The following MYLK4 variants were observed in gnomAD, a reference collection of about 807,000 sequenced individuals.
The protein encoded by MYLK4 is caMLCK like.
Under a neutral mutation model 48.1 loss-of-function variants are expected in MYLK4, and 46 were observed. The ratio of observed to expected loss-of-function variants is 0.96; its 90% CI spans 0.75 to 1.22. The LOEUF is 1.22. MYLK4 is among the 50% of genes most tolerant of loss of function. MYLK4 has a pLI of 0.00. For synonymous variants in MYLK4, 170 were observed against 180.8 expected (o/e 0.94, Z 0.48); for missense variants, 451 against 486.1 (o/e 0.93, Z 0.68).
chr6:2,717,543 C>T (rs1319736690), intron 2 of MYLK4, among the ~76,000 whole-genome samples: 2 of 152,272 alleles, frequency 1.3e-5, no homozygotes, highest in African/African-American at 2.4e-5. Flanking sequence ...CTGGCTCTCC[C>T]GAGATTTGGG....
At chr6:2,679,437 T>C in intron 8 of MYLK4, 29 bp from the exon 9 acceptor site, 1 of 1,614,040 alleles carries the variant, frequency 6.2e-7, no homozygotes, top group Non-Finnish European at 8.5e-7. Context: ...AGTGGAAGGA[T>C]GGACGTGTCG....
intron 2 of MYLK4, among the ~76,000 whole-genome samples, chr6:2,699,421 G>C (rs1456982072): frequency 6.7e-6 from 1 of 148,836 alleles, no homozygotes; most frequent in Non-Finnish European, 1.5e-5. Context: ...TTCTCCAGTA[G>C]CTGGGATTAC....
the MYLK4 span, among the ~76,000 whole-genome samples, chr6:2,759,589 G>A: frequency 2.3e-4 from 35 of 152,084 alleles, no homozygotes; most frequent in Non-Finnish European, 4.1e-4. Flanking sequence ...CTCCCTTTCT[G>A]TTCCTTGTAT....
chr6:2,738,286 A>G (rs1763770322), intron 2 of MYLK4, among the ~76,000 whole-genome samples: 2 of 152,352 alleles, frequency 1.3e-5, no homozygotes, highest in Non-Finnish European at 1.5e-5. Context: ...TCCACTCTGT[A>G]GTCAAGACTT....
the MYLK4 span, among the ~76,000 whole-genome samples, chr6:2,762,651 GCAGT>G: frequency 6.6e-6 from 1 of 152,188 alleles, no homozygotes; most frequent in African/African-American, 2.4e-5. Flanking sequence ...TTATGTGCTC[GCAGT>G]CAATGAGTTT....
intron 12 of MYLK4, among the ~76,000 whole-genome samples, chr6:2,668,623 G>A (rs1033136267): frequency 6.6e-6 from 1 of 152,088 alleles, no homozygotes; most frequent in African/African-American, 2.4e-5. Flanking sequence ...CTCAAATTTG[G>A]TTTCCATCAT....
the MYLK4 span, among the ~76,000 whole-genome samples, chr6:2,762,375 A>T: frequency 6.6e-6 from 1 of 152,258 alleles, no homozygotes; most frequent in Non-Finnish European, 1.5e-5. Context: ...CAATGATTAC[A>T]AGTAGACTTG....
intron 6 of MYLK4, among the ~76,000 whole-genome samples, chr6:2,684,576 A>G (rs975127490): frequency 6.6e-6 from 1 of 152,224 alleles, no homozygotes; most frequent in Non-Finnish European, 1.5e-5. Context: ...AGGTTCAAAC[A>G]ATCGTAAATC....
At chr6:2,727,394 G>A (rs1290154439) in intron 2 of MYLK4, among the ~76,000 whole-genome samples, 1 of 152,200 alleles carries the variant, frequency 6.6e-6, no homozygotes, top group Non-Finnish European at 1.5e-5. Flanking sequence ...CCCAGAGCTA[G>A]AGGCCGAGGC....
chr6:2,751,954 T>C (rs982484455), upstream of MYLK4, among the ~76,000 whole-genome samples: 1 of 152,254 alleles, frequency 6.6e-6, no homozygotes, highest in Non-Finnish European at 1.5e-5. Context: ...AAAAGTATTA[T>C]ACAAAGACTA....
the MYLK4 span, among the ~76,000 whole-genome samples, chr6:2,768,495 T>G: frequency 6.6e-6 from 1 of 152,206 alleles, no homozygotes; most frequent in South Asian, 2.1e-4. Flanking sequence ...TACTTTCCTG[T>G]TTTATTTATA....
chr6:2,679,350 C>CA lies in MYLK4; in HGVS notation c.816dup (p.Glu273Ter). On this transcript the variant is annotated frameshift_variant, in exon 9 of 13. Transcript: ENST00000274643. LOFTEE classifies it high-confidence loss of function. ...GAAACAAAATCATAGTTCACAACTTCAGGGGCGAGAAATTCTGGGGTTCCA... is the reference window on the plus strand; with the variant it reads ...GAAACAAAATCATAGTTCACAACTTCAAGGGGCGAGAAATTCTGGGGTTCCA... The CA allele has an allele frequency of 6.2e-7, 1 of 1,614,180 alleles. No individual in the cohort carries two copies. The highest frequency in any genetic ancestry group is 8.5e-7 in the Non-Finnish European group (1 of 1,180,030).
chr6:2,770,315 A>G, the MYLK4 span: 1 of 1,614,156 alleles, frequency 6.2e-7, no homozygotes, highest in South Asian at 1.1e-5. Flanking sequence ...CCTAGACTCT[A>G]GCCGTCCCAC....
chr6:2,760,632 A>C, the MYLK4 span, among the ~76,000 whole-genome samples: 2 of 152,156 alleles, frequency 1.3e-5, no homozygotes, highest in Non-Finnish European at 1.5e-5. Flanking sequence ...GCCAGGGAGA[A>C]AGGCTGTATA....
In MYLK4 at chr6:2,672,115, G is replaced by A. The variant is rs891208252; in HGVS notation, c.1120-767C>T. ...TTAGTTCACTGAGAGGGCATGAGCC[G>A]AGGTCACAACACTGAGAATGGGAAG... On this transcript the variant is annotated intron_variant, in intron 11 of 12. Coordinates refer to ENST00000274643, the MANE Select transcript of MYLK4 (RefSeq NM_001012418.5). This position sits in a 1 kb window ranked among gnomAD's most constrained non-coding sequence, Gnocchi z 4.3. Among the ~76,000 whole-genome samples, 3 of 152,198 alleles carry A rather than the reference G, an allele frequency of 2.0e-5. No individual in the cohort carries two copies. Among genetic ancestry groups the A allele is most frequent in the African/African-American group, 7.2e-5 (3 of 41,450 alleles).
At chr6:2,670,115 T>C (rs897993621) in intron 12 of MYLK4, among the ~76,000 whole-genome samples, 34 of 152,252 alleles carry the variant, frequency 2.2e-4, no homozygotes, top group Non-Finnish European at 3.7e-4. Flanking sequence ...CCTGTAATCC[T>C]AGCACTTTGG....
At chr6:2,763,509 C>T in the MYLK4 span, among the ~76,000 whole-genome samples, 2 of 152,210 alleles carry the variant, frequency 1.3e-5, no homozygotes, top group Non-Finnish European at 2.9e-5. Flanking sequence ...AAGTGCTGTC[C>T]CAAGTGCTAA....
chr6:2,763,058 TG>T, the MYLK4 span, among the ~76,000 whole-genome samples: 1 of 152,212 alleles, frequency 6.6e-6, no homozygotes, highest in African/African-American at 2.4e-5. Flanking sequence ...TTCTCTCATC[TG>T]GCCCCACCCA....
chr6:2,695,919 G>A (rs1301372743), intron 2 of MYLK4, among the ~76,000 whole-genome samples: 3 of 152,198 alleles, frequency 2.0e-5, no homozygotes, highest in Non-Finnish European at 4.4e-5. Flanking sequence ...TAAGCATTAA[G>A]TTTCTGACCC....
Sources: gnomAD v4.1 joint callset for allele counts (sites outside exome capture counted in the v4.1 genomes callset) on GRCh38, gnomAD v4.1.1 for gene constraint, Gnocchi (gnomAD v3.1) non-coding constraint, MANE v1.5 for transcripts, NCBI Gene and HGNC (gene_info 2026-07-23, HGNC 2026-07-21) for gene names.